Variants in BTBD16 observed in about 807,000 individuals in gnomAD.
The protein encoded by BTBD16 is BTB/POZ domain-containing protein 16.
In BTBD16, 66 loss-of-function variants were observed where a neutral mutation model predicts 67.4. The ratio of observed to expected loss-of-function variants is 0.98; its 90% CI spans 0.80 to 1.20. The LOEUF (loss-of-function observed/expected upper bound fraction) is 1.20, where lower values mean the gene tolerates loss of function less well. BTBD16 is among the 50% of genes most tolerant of loss of function. The probability of loss-of-function intolerance (pLI) is 0.00; values close to 1 mark genes in which losing one functional copy is unlikely to be tolerated. For missense variants in BTBD16, 634 were observed against 616.0 expected (o/e 1.03, Z -0.31); for synonymous variants, 242 against 236.4 (o/e 1.02, Z -0.22).
At chr10:122,326,140 T>C (rs985451519) in intron 10 of BTBD16, among the ~76,000 whole-genome samples, 8 of 152,230 alleles carry the variant, frequency 5.3e-5, no homozygotes, top group Non-Finnish European at 1.0e-4. Context: ...AGTTCAGGTG[T>C]TTCTCAAATA....
chr10:122,314,688 A>G (rs2096420759), intron 10 of BTBD16, among the ~76,000 whole-genome samples: 3 of 152,180 alleles, frequency 2.0e-5, no homozygotes, highest in East Asian at 1.9e-4. Context: ...TAGAAGTACA[A>G]TAGTTTTGTA....
intron 10 of BTBD16, among the ~76,000 whole-genome samples, chr10:122,316,944 C>A (rs1463145245): frequency 6.6e-6 from 1 of 152,110 alleles, no homozygotes; most frequent in Non-Finnish European, 1.5e-5. Flanking sequence ...TGTGTCAGTG[C>A]GCCCGGCTAA....
chr10:122,335,018 G>C lies in BTBD16; in HGVS notation c.1263+39G>C, dbSNP rs758095004. 10 of 949,470 alleles carry C rather than the reference G, an allele frequency of 1.1e-5. No individual in the cohort carries two copies. The African/African-American group carries it at 1.5e-4, about 14-fold the overall frequency. 58.8% of individuals were successfully genotyped at this position (949,470 alleles called of 1,614,324 possible). A position where few individuals can be genotyped will look rare whatever the true frequency, so the allele number is the denominator to read the frequency against. ...GCATGAAAGTTATGTCTCTGAGACA[G>C]TCTTTTAGAGTTAGAGTCAATTCAT... On this transcript the variant is annotated intron_variant, in intron 14 of 15. Coordinates refer to ENST00000260723, the MANE Select transcript of BTBD16 (RefSeq NM_144587.5).
At chr10:122,302,540 C>G (rs1350667474) in intron 9 of BTBD16, among the ~76,000 whole-genome samples, 1 of 152,218 alleles carries the variant, frequency 6.6e-6, no homozygotes, top group African/African-American at 2.4e-5. Flanking sequence ...CCCGAGAAGT[C>G]TCGAGGTCTC....
rs572547524 is a variant in BTBD16 at position 122,281,290 on chromosome 10, G to A, written c.168-2561G>A. Among the ~76,000 whole-genome samples, 5 of 152,346 alleles carry A rather than the reference G, an allele frequency of 3.3e-5. No homozygotes were observed. The East Asian group carries it at 7.7e-4, about 23-fold the overall frequency. On this transcript the variant is annotated intron_variant, in intron 3 of 15. Coordinates refer to ENST00000260723, the MANE Select transcript of BTBD16 (RefSeq NM_144587.5). ...TGTGTGTGGCTGTAGGTTTTGCAGA[G>A]TCTTTTGTGATAGTTCTTATTATCA... is the stretch of plus-strand genomic sequence containing the variant.
At chr10:122,325,680 ATT>A (rs1055356880) in intron 10 of BTBD16, among the ~76,000 whole-genome samples, 2 of 146,160 alleles carry the variant, frequency 1.4e-5, no homozygotes, top group Non-Finnish European at 3.0e-5. Flanking sequence ...AGATAGATAG[ATT>A]TTTTTTTTTT....
intron 15 of BTBD16, among the ~76,000 whole-genome samples, chr10:122,337,731 C>T (rs2096465468): frequency 6.6e-6 from 1 of 152,214 alleles, no homozygotes; most frequent in African/African-American, 2.4e-5. Flanking sequence ...TCCCAAAGTG[C>T]TGGGATGAAA....
rs76866426 is a variant in BTBD16, at chr10:122,315,082, G to A, written c.911+7774G>A. Among the ~76,000 whole-genome samples, 537 of 152,170 alleles carry A rather than the reference G, an allele frequency of 3.5e-3. 5 individuals carry two copies. The highest frequency in any genetic ancestry group is 0.011 in the African/African-American group (463 of 41,524). On this transcript the variant is annotated intron_variant, in intron 10 of 15. Coordinates refer to ENST00000260723, the MANE Select transcript of BTBD16 (RefSeq NM_144587.5). ...TTCTATTTCTAGAGTTTTTAATCAC[G>A]AGTGAATCTTACCAACTTTACTAAA...
At chr10:122,334,386 G>A (rs1282093224) in intron 13 of BTBD16, among the ~76,000 whole-genome samples, 1 of 147,602 alleles carries the variant, frequency 6.8e-6, no homozygotes, top group African/African-American at 2.5e-5. Context: ...TAGTAGAGAC[G>A]AGGTTTCACC....
chr10:122,335,494 G>T (rs986087876), intron 14 of BTBD16, among the ~76,000 whole-genome samples: 1 of 152,222 alleles, frequency 6.6e-6, no homozygotes, highest in Non-Finnish European at 1.5e-5. Context: ...TGGAGAGTCC[G>T]CAGGTGAACG....
At chr10:122,305,663 CAG>C (rs1564991038) in intron 9 of BTBD16, among the ~76,000 whole-genome samples, 1 of 152,338 alleles carries the variant, frequency 6.6e-6, no homozygotes, top group East Asian at 1.9e-4. Flanking sequence ...TACCCAGTCT[CAG>C]ATATTTCTTT....
chr10:122,299,936 GC>G (rs1043347806), intron 9 of BTBD16, among the ~76,000 whole-genome samples: 2 of 152,012 alleles, frequency 1.3e-5, no homozygotes, highest in Non-Finnish European at 2.9e-5. Context: ...CAGCCACGGG[GC>G]CCCCCCTGAA....
At chr10:122,282,313 G>A (rs887400805) in intron 3 of BTBD16, among the ~76,000 whole-genome samples, 6 of 152,012 alleles carry the variant, frequency 3.9e-5, no homozygotes, top group African/African-American at 1.5e-4. Context: ...AGGGTGGCTT[G>A]GGTCAGATCT....
At chr10:122,277,090 A>G in intron 3 of BTBD16, 151 bp downstream of exon 3, 1 of 836,234 alleles carries the variant, frequency 1.2e-6, no homozygotes, top group Non-Finnish European at 1.8e-6. Context: ...TCAGGCATGG[A>G]CAGGGTCATA....
chr10:122,273,921 A>G (rs1223170979), intron 1 of BTBD16, among the ~76,000 whole-genome samples: 1 of 152,264 alleles, frequency 6.6e-6, no homozygotes, highest in African/African-American at 2.4e-5. Context: ...TGGAAATTCT[A>G]TGAGGCAAGG....
chr10:122,311,463 G>A (rs781082180), intron 10 of BTBD16, among the ~76,000 whole-genome samples: 13 of 152,196 alleles, frequency 8.5e-5, no homozygotes, highest in African/African-American at 1.9e-4. Context: ...AGGCTGTCCC[G>A]AATTAAATTT....
chr10:122,305,370 T>C (rs2096401889), intron 9 of BTBD16, among the ~76,000 whole-genome samples: 1 of 152,190 alleles, frequency 6.6e-6, no homozygotes, highest in African/African-American at 2.4e-5. Context: ...GATTGGATCA[T>C]GGTGGTGGAT....
intron 10 of BTBD16, among the ~76,000 whole-genome samples, chr10:122,322,353 A>G (rs12240462): frequency 0.032 from 4,840 of 152,190 alleles, 268 homozygotes; most frequent in African/African-American, 0.11. Flanking sequence ...TTGATATAAT[A>G]TGCATGAGTA....
intron 9 of BTBD16, among the ~76,000 whole-genome samples, chr10:122,303,352 C>A (rs573485698): frequency 1.6e-4 from 24 of 152,302 alleles, no homozygotes; most frequent in Middle Eastern, 3.4e-3. Flanking sequence ...ATGTTCTCAT[C>A]GTGATTGTAA....
Sources: allele counts gnomAD v4.1 joint callset (sites outside exome capture counted in the v4.1 genomes callset), GRCh38; gene constraint gnomAD v4.1.1; transcripts MANE v1.5; gene names NCBI Gene and HGNC (gene_info 2026-07-23, HGNC 2026-07-21).